The following UNC5D variants were observed in gnomAD, a reference collection of about 807,000 sequenced individuals.
The protein encoded by UNC5D is unc-5 netrin receptor D, also known as netrin receptor UNC5D.
Under a neutral mutation model 105.4 loss-of-function variants are expected in UNC5D, and 39 were observed. The ratio of observed to expected loss-of-function variants is 0.37; its 90% CI spans 0.29 to 0.48. UNC5D has a LOEUF of 0.48. Ranked by LOEUF, UNC5D falls within the 20% of genes least tolerant of loss-of-function variation. UNC5D has a pLI of 0.98. For missense variants in UNC5D, 991 were observed against 1,202.4 expected, an observed-to-expected ratio of 0.82 and a Z score of 2.60; for synonymous variants, 452 against 450.4, an observed-to-expected ratio of 1.00 and a Z score of -0.04.
At chr8:35,631,552 C>T (rs1822046589) in intron 4 of UNC5D, among the ~76,000 whole-genome samples, 1 of 152,182 alleles carries the variant, frequency 6.6e-6, no homozygotes, top group African/African-American at 2.4e-5. Flanking sequence ...TTGTCTTTGT[C>T]ACCACAGTCC....
At chr8:35,382,948 G>A (rs900581212) in intron 1 of UNC5D, among the ~76,000 whole-genome samples, 5 of 152,088 alleles carry the variant, frequency 3.3e-5, no homozygotes, top group African/African-American at 7.2e-5. Context: ...GGAATTCTGC[G>A]GCATAAGGCA....
intron 8 of UNC5D, among the ~76,000 whole-genome samples, chr8:35,710,332 T>C (rs1209628434): frequency 6.6e-6 from 1 of 152,182 alleles, no homozygotes. Context: ...ATGTTATGGA[T>C]GATTCCAAAA....
chr8:35,512,029 G>T (rs1025287019), intron 1 of UNC5D, among the ~76,000 whole-genome samples: 1 of 152,080 alleles, frequency 6.6e-6, no homozygotes, highest in Non-Finnish European at 1.5e-5. Flanking sequence ...TTGAAATGAT[G>T]TTGAGATATT....
chr8:35,380,565 TATG>T (rs997656851), intron 1 of UNC5D, among the ~76,000 whole-genome samples: 23 of 152,310 alleles, frequency 1.5e-4, no homozygotes, highest in African/African-American at 5.5e-4. Flanking sequence ...CCATTTAGGA[TATG>T]ATTTTTATTA....
Position 35,400,591 on chromosome 8 carries a change from G to A in UNC5D, c.104-148701G>A, listed in dbSNP as rs112469332. The stretch of plus-strand genomic sequence containing the variant: ...CCCTGCACTCACCTCTCCTAGCTGT[G>A]TTTTCCTCGGTCATTAGGGTAACAA... On this transcript the variant is annotated intron_variant, in intron 1 of 16. Coordinates refer to ENST00000404895, the MANE Select transcript of UNC5D (RefSeq NM_080872.4). 6.9e-3 allele frequency among the ~76,000 whole-genome samples: 1,046 copies of A among 152,204 alleles called. 16 individuals are homozygous for A. The highest frequency in any genetic ancestry group is 0.024 in the African/African-American group (1,004 of 41,546).
chr8:35,253,523 G>A (rs1290380187), intron 1 of UNC5D, among the ~76,000 whole-genome samples: 1 of 113,842 alleles, frequency 8.8e-6, no homozygotes, highest in Non-Finnish European at 1.6e-5. Flanking sequence ...GTCTTGCTCT[G>A]TCGCCCAGGC....
intron 1 of UNC5D, among the ~76,000 whole-genome samples, chr8:35,271,368 C>CATATGT (rs1805303138): frequency 1.0e-4 from 9 of 85,870 alleles, no homozygotes; most frequent in Admixed American, 2.4e-4. Flanking sequence ...CACACGTGCA[C>CATATGT]GTGTGTATGT....
chr8:35,239,800 TC>T (rs1802692437), intron 1 of UNC5D, among the ~76,000 whole-genome samples: 1 of 152,196 alleles, frequency 6.6e-6, no homozygotes, highest in African/African-American at 2.4e-5. Context: ...ACAGAATAGA[TC>T]AATGGAAACG....
At chr8:35,527,629 G>A (rs540565938) in intron 1 of UNC5D, among the ~76,000 whole-genome samples, 23 of 151,998 alleles carry the variant, frequency 1.5e-4, no homozygotes, top group Non-Finnish European at 3.1e-4. Context: ...TGCAACCTCT[G>A]CTTCCTGGGT....
intron 1 of UNC5D, among the ~76,000 whole-genome samples, chr8:35,422,880 G>C (rs557950588): frequency 6.6e-6 from 1 of 152,266 alleles, no homozygotes; most frequent in East Asian, 1.9e-4. Context: ...TCTATGTGTA[G>C]TTACAGTAAT....
chr8:35,331,598 C>T (rs528639469), intron 1 of UNC5D, among the ~76,000 whole-genome samples: 2 of 152,266 alleles, frequency 1.3e-5, no homozygotes, highest in Admixed American at 6.5e-5. Context: ...TCTTGCTAGT[C>T]TTTGAATATG....
chr8:35,700,362 G>A (rs1827105180), intron 7 of UNC5D, among the ~76,000 whole-genome samples: 1 of 151,844 alleles, frequency 6.6e-6, no homozygotes, highest in African/African-American at 2.4e-5. Context: ...ACACAAATAA[G>A]CATTTAAATA....
intron 4 of UNC5D, among the ~76,000 whole-genome samples, chr8:35,617,554 T>C (rs979055376): frequency 2.6e-5 from 4 of 152,180 alleles, no homozygotes; most frequent in African/African-American, 4.8e-5. Flanking sequence ...GCTGTGATCT[T>C]CCCTCAGAGC....
chr8:35,766,801 T>C, intron 14 of UNC5D, 101 bp from the exon 15 acceptor site: 4 of 1,314,424 alleles, frequency 3.0e-6, no homozygotes, highest in Admixed American at 2.5e-5. Flanking sequence ...TCGTTGTTGT[T>C]GTCGTCATCA....
chr8:35,309,422 T>A (rs1262111478), intron 1 of UNC5D, among the ~76,000 whole-genome samples: 2 of 152,170 alleles, frequency 1.3e-5, no homozygotes, highest in East Asian at 3.9e-4. Context: ...ATCCTATGTC[T>A]CTCTCATGGC....
At chr8:35,677,309 TGA>T (rs745326754) in intron 4 of UNC5D, among the ~76,000 whole-genome samples, 2 of 152,172 alleles carry the variant, frequency 1.3e-5, no homozygotes, top group Non-Finnish European at 2.9e-5. Context: ...TTAAGAAAAA[TGA>T]GTGTGAGCTC....
chr8:35,353,079 A>G (rs1023636245), intron 1 of UNC5D, among the ~76,000 whole-genome samples: 1 of 152,216 alleles, frequency 6.6e-6, no homozygotes, highest in African/African-American at 2.4e-5. Context: ...CTACATAAAA[A>G]ACATGCTCAC....
chr8:35,286,558 T>A (rs142134183), intron 1 of UNC5D, among the ~76,000 whole-genome samples: 1 of 152,306 alleles, frequency 6.6e-6, no homozygotes, highest in Admixed American at 6.5e-5. Flanking sequence ...GAGAAGCAAC[T>A]GCATGTCAGT....
intron 1 of UNC5D, among the ~76,000 whole-genome samples, chr8:35,315,297 G>A (rs932578227): frequency 6.6e-6 from 1 of 152,104 alleles, no homozygotes; most frequent in Non-Finnish European, 1.5e-5. Flanking sequence ...GAATCTGCAG[G>A]GTGATTGTTC....
Sources: allele counts gnomAD v4.1 joint callset (sites outside exome capture counted in the v4.1 genomes callset), GRCh38; gene constraint gnomAD v4.1.1; transcripts MANE v1.5; gene names NCBI Gene and HGNC (gene_info 2026-07-23, HGNC 2026-07-21).